NFIA: variants seen among roughly 807,000 people sequenced by gnomAD.
NFIA encodes nuclear factor 1 A-type.
Under a neutral mutation model 62.8 loss-of-function variants are expected in NFIA, and 8 were observed. The observed-to-expected ratio is 0.13, with a 90% CI of 0.07 to 0.23. NFIA has a LOEUF of 0.23. Ranked by LOEUF, NFIA falls within the 10% of genes least tolerant of loss-of-function variation. The probability of loss-of-function intolerance (pLI) is 1.00; values close to 1 mark genes in which losing one functional copy is unlikely to be tolerated. For missense variants in NFIA, 410 were observed against 642.1 expected, an observed-to-expected ratio of 0.64 and a Z score of 3.91; for synonymous variants, 235 against 238.1, an observed-to-expected ratio of 0.99 and a Z score of 0.12.
intron 8 of NFIA, among the ~76,000 whole-genome samples, 190 bp downstream of exon 8, chr1:61,404,472 C>G (rs948588728): frequency 1.3e-5 from 2 of 152,136 alleles, no homozygotes; most frequent in African/African-American, 4.8e-5. Context: ...GGTTTAAAAA[C>G]AGTGTTTGTG....
chr1:61,184,301 C>T (rs61770507), intron 2 of NFIA, among the ~76,000 whole-genome samples: 1,728 of 152,304 alleles, frequency 0.011, 22 homozygotes, highest in South Asian at 0.033. Flanking sequence ...TTTACTCGGC[C>T]GCAGCCAATC....
At chr1:61,240,306 G>C (rs921820616) in intron 2 of NFIA, among the ~76,000 whole-genome samples, 1 of 151,944 alleles carries the variant, frequency 6.6e-6, no homozygotes, top group African/African-American at 2.4e-5. Context: ...ATTGAAACTA[G>C]AATACAAGTC....
At chr1:61,251,098 T>C (rs1656004138) in intron 2 of NFIA, 1 of 152,240 alleles carries the variant, frequency 6.6e-6, no homozygotes, top group Non-Finnish European at 1.5e-5. Flanking sequence ...ATCATCACTC[T>C]CTGCTTCAAA....
chr1:61,170,478 T>C (rs962189918), intron 2 of NFIA, among the ~76,000 whole-genome samples: 6 of 152,172 alleles, frequency 3.9e-5, no homozygotes, highest in African/African-American at 1.4e-4. Flanking sequence ...TGCTAATAAA[T>C]AGCCTTGGGA....
In NFIA at chr1:61,191,195, AT is replaced by A. The variant is rs960591752; in HGVS notation, c.560-86318del. On this transcript the variant is annotated intron_variant, in intron 2 of 10. Coordinates refer to ENST00000403491, the MANE Select transcript of NFIA (RefSeq NM_001134673.4). ...AGACCAAACCATTAAGAGATTGGCG[AT>A]TTTTTTCCCCCTTGAGCATTATTGA... Among the ~76,000 whole-genome samples the A allele has an allele frequency of 1.8e-4, 28 of 152,024 alleles. 1 individual carries two copies. Among genetic ancestry groups the A allele is most frequent in the Admixed American group, 1.3e-4 (2 of 15,258 alleles).
Position 61,416,543 on chromosome 1 carries a change from C to T in NFIA, c.1420+9816C>T, listed in dbSNP as rs191929999. On this transcript the variant is annotated intron_variant, in intron 9 of 10. Transcript: ENST00000403491. Reference sequence around the variant, plus strand: ...TTAGTTGGTTGCAGGTTCTGCCTTACGAACCCATTAAATATAAATGTACTT... The same window carrying T: ...TTAGTTGGTTGCAGGTTCTGCCTTATGAACCCATTAAATATAAATGTACTT... Among the ~76,000 whole-genome samples, 10 of 152,132 alleles carry T rather than the reference C, an allele frequency of 6.6e-5. No homozygotes were observed. In the East Asian group the frequency reaches 7.7e-4, roughly 12 times the overall value.
intron 2 of NFIA, among the ~76,000 whole-genome samples, chr1:61,203,721 T>C (rs558696657): frequency 6.6e-6 from 1 of 152,318 alleles, no homozygotes; most frequent in East Asian, 1.9e-4. Flanking sequence ...GGCCATGTTT[T>C]CTTAAACACT....
At chr1:61,383,635 A>G (rs1664534587) in intron 7 of NFIA, among the ~76,000 whole-genome samples, 2 of 152,202 alleles carry the variant, frequency 1.3e-5, no homozygotes, top group Non-Finnish European at 2.9e-5. Context: ...CTTGAATTGA[A>G]CCAAAATCAA....
Position 61,323,644 on chromosome 1 carries a change from A to T in NFIA, c.626-8868A>T, listed in dbSNP as rs144249222. ...ACCAGAAATTTAAAATTTGGCATTA[A>T]TGGATCAGCAGAAACATCCCTGCAC... On this transcript the variant is annotated intron_variant, in intron 3 of 10. Coordinates refer to ENST00000403491, the MANE Select transcript of NFIA (RefSeq NM_001134673.4). Among the ~76,000 whole-genome samples, 163 of 152,284 alleles carry T rather than the reference A, an allele frequency of 1.1e-3. 3 individuals carry two copies. The East Asian group carries it at 0.026, about 25-fold the overall frequency.
chr1:61,348,791 T>C (rs1662389382), intron 4 of NFIA, among the ~76,000 whole-genome samples: 1 of 152,188 alleles, frequency 6.6e-6, no homozygotes, highest in South Asian at 2.1e-4. Flanking sequence ...CACACTTTGC[T>C]CTGTGTTCCT....
chr1:61,353,631 G>A (rs1000171328), intron 5 of NFIA, among the ~76,000 whole-genome samples: 1 of 151,808 alleles, frequency 6.6e-6, no homozygotes, highest in Non-Finnish European at 1.5e-5. Context: ...CTTTTCCTTG[G>A]TGCACACTCG....
At chr1:61,110,321 G>T (rs764474973) in intron 2 of NFIA, among the ~76,000 whole-genome samples, 2 of 151,476 alleles carry the variant, frequency 1.3e-5, no homozygotes, top group Non-Finnish European at 2.9e-5. Context: ...AGTGCTTGTC[G>T]AGGGGTAAAG....
intron 5 of NFIA, among the ~76,000 whole-genome samples, chr1:61,358,383 T>C (rs111535418): frequency 2.0e-4 from 10 of 51,232 alleles, no homozygotes; most frequent in African/African-American, 5.5e-4. Flanking sequence ...TTCTTTCTTT[T>C]TTTTTTTTTT....
At chr1:61,359,026 C>G in intron 5 of NFIA, 121 bp from the exon 6 acceptor site, 4 of 1,401,810 alleles carry the variant, frequency 2.9e-6, no homozygotes, top group African/African-American at 1.4e-5. Flanking sequence ...AAAAGGAGTC[C>G]TAGAACTACA....
intron 2 of NFIA, among the ~76,000 whole-genome samples, chr1:61,181,453 A>G (rs934248433): frequency 1.3e-5 from 2 of 152,252 alleles, no homozygotes; most frequent in African/African-American, 2.4e-5. Flanking sequence ...TTTGTAACAT[A>G]ATTTTTATTT....
intron 3 of NFIA, among the ~76,000 whole-genome samples, chr1:61,313,449 T>C (rs1660216341): frequency 6.6e-6 from 1 of 152,034 alleles, no homozygotes; most frequent in Admixed American, 6.5e-5. Flanking sequence ...ACACACACTT[T>C]ACAACCAGAT....
intron 9 of NFIA, among the ~76,000 whole-genome samples, chr1:61,408,913 T>TGGTAAAATATATCTGTA (rs1376140291): frequency 6.6e-6 from 1 of 152,212 alleles, no homozygotes; most frequent in Non-Finnish European, 1.5e-5. Flanking sequence ...GCTTGGGTAA[T>TGGTAAAATATATCTGTA]GGTAAAATAT....
Position 61,215,144 on chromosome 1 carries a change from A to G in NFIA, c.560-62376A>G, listed in dbSNP as rs113155486. Among the ~76,000 whole-genome samples the G allele has an allele frequency of 1.8e-3, 276 of 152,328 alleles. 1 individual carries two copies. The highest frequency in any genetic ancestry group is 6.3e-3 in the African/African-American group (262 of 41,564). Reference sequence around the variant, plus strand: ...ACGGAAATTTTATCATTGCTTTAAAATGTATTTTAATGAAGATATTAAAAA... The same window carrying G: ...ACGGAAATTTTATCATTGCTTTAAAGTGTATTTTAATGAAGATATTAAAAA... On this transcript the variant is annotated intron_variant, in intron 2 of 10. Coordinates refer to ENST00000403491, the MANE Select transcript of NFIA (RefSeq NM_001134673.4).
upstream of NFIA, chr1:61,081,955 C>T (rs1314500196): frequency 1.3e-6 from 2 of 1,550,494 alleles, no homozygotes; most frequent in Non-Finnish European, 1.7e-6. Flanking sequence ...TGCAAATGTG[C>T]CGCCCGGCCT....
Sources: allele counts gnomAD v4.1 joint callset (sites outside exome capture counted in the v4.1 genomes callset), GRCh38; gene constraint gnomAD v4.1.1; transcripts MANE v1.5; gene names NCBI Gene and HGNC (gene_info 2026-07-23, HGNC 2026-07-21).